The following ARHGEF11 variants were observed in gnomAD, a reference collection of about 807,000 sequenced individuals.
ARHGEF11 encodes the protein Rho guanine exchange factor (GEF) 11.
ARHGEF11 carries 55 observed loss-of-function variants against 193.7 expected under a neutral mutation model. That is an observed-to-expected ratio of 0.28 (90% CI 0.23 to 0.36). The LOEUF is 0.36. Among genes scored for constraint, ARHGEF11 ranks in the 10% least tolerant of loss-of-function variants. The probability of loss-of-function intolerance (pLI) is 1.00; values close to 1 mark genes in which losing one functional copy is unlikely to be tolerated. For missense variants in ARHGEF11, 1,723 were observed against 2,005.6 expected (o/e 0.86, Z 2.69); for synonymous variants, 693 against 768.0 (o/e 0.90, Z 1.62).
chr1:156,982,039 C>T (rs868194959), intron 3 of ARHGEF11, among the ~76,000 whole-genome samples: 2 of 152,008 alleles, frequency 1.3e-5, no homozygotes, highest in Non-Finnish European at 2.9e-5. Flanking sequence ...GGACTCAAGA[C>T]TACCCTCAGC....
At chr1:156,960,389 G>C in intron 15 of ARHGEF11, 29 bp downstream of exon 15, 1 of 1,612,916 alleles carries the variant, frequency 6.2e-7, no homozygotes, top group Admixed American at 1.7e-5. Context: ...CTACCAAGAA[G>C]AGACTTACCG....
intron 1 of ARHGEF11, among the ~76,000 whole-genome samples, chr1:156,995,871 C>G (rs531035333): frequency 1.3e-5 from 2 of 152,148 alleles, no homozygotes; most frequent in South Asian, 4.2e-4. Context: ...AATGTCTGCT[C>G]TTTTCCCATT....
At chr1:156,959,943 C>CAAAAA (rs376570752) in intron 15 of ARHGEF11, among the ~76,000 whole-genome samples, 3 of 97,100 alleles carry the variant, frequency 3.1e-5, no homozygotes, top group Non-Finnish European at 6.1e-5. Flanking sequence ...CCCCCCCCCC[C>CAAAAA]AAAAAAAACA....
At chr1:156,963,356 G>A (rs377012119) in intron 12 of ARHGEF11, 52 bp from the exon 13 acceptor site, 21 of 1,553,044 alleles carry the variant, frequency 1.4e-5, no homozygotes, top group Middle Eastern at 1.7e-4. Context: ...GCAGCACAGC[G>A]GGTTCCAGCT....
intron 1 of ARHGEF11, among the ~76,000 whole-genome samples, chr1:157,032,354 T>C (rs1358583144): frequency 1.3e-5 from 2 of 151,894 alleles, no homozygotes; most frequent in African/African-American, 4.8e-5. Flanking sequence ...ATAAAAAGAG[T>C]TCGTTAAGAG....
intron 2 of ARHGEF11, 83 bp from the exon 3 acceptor site, chr1:156,984,520 C>G (rs1664652515): frequency 3.3e-6 from 3 of 911,962 alleles, no homozygotes; most frequent in Middle Eastern, 2.7e-4. Flanking sequence ...AGGGAAGCCC[C>G]AGTGCCTTTC....
At chr1:157,033,284 G>A (rs954348762) in intron 1 of ARHGEF11, among the ~76,000 whole-genome samples, 1 of 151,892 alleles carries the variant, frequency 6.6e-6, no homozygotes, top group South Asian at 2.1e-4. Context: ...CTATGCAGTA[G>A]CCCAAGAGAA....
intron 40 of ARHGEF11, among the ~76,000 whole-genome samples, chr1:156,936,497 A>AAAAAAAAAAATATATATAT (rs370282821): frequency 2.9e-5 from 1 of 33,938 alleles, no homozygotes; most frequent in African/African-American, 1.5e-4. Flanking sequence ...AAAAAAAAAA[A>AAAAAAAAAAATATATATAT]ATATATATAT....
At chr1:157,037,023 G>C (rs1455099456) in intron 1 of ARHGEF11, among the ~76,000 whole-genome samples, 3 of 152,144 alleles carry the variant, frequency 2.0e-5, no homozygotes, top group African/African-American at 7.2e-5. Flanking sequence ...AGCTACTCAG[G>C]AGGCTGAGGC....
At chr1:157,012,971 T>C (rs1054273951) in intron 1 of ARHGEF11, among the ~76,000 whole-genome samples, 2 of 152,186 alleles carry the variant, frequency 1.3e-5, no homozygotes, top group Non-Finnish European at 1.5e-5. Flanking sequence ...CTTCCTTGTC[T>C]GGTGCAAAGT....
At chr1:156,996,654 TC>T (rs527797819) in intron 1 of ARHGEF11, among the ~76,000 whole-genome samples, 379 of 150,760 alleles carry the variant, frequency 2.5e-3, no homozygotes, top group African/African-American at 8.5e-3. Context: ...GCGCCTGTAG[TC>T]CCAGCTACTC....
At chr1:156,936,492 AAAAAAAT>A (rs1333392352) in intron 40 of ARHGEF11, among the ~76,000 whole-genome samples, 64 of 95,460 alleles carry the variant, frequency 6.7e-4, no homozygotes, top group African/African-American at 2.5e-3. Flanking sequence ...AAAAAAAAAA[AAAAAAAT>A]ATATATATAT....
In ARHGEF11 at chr1:156,942,671, C is replaced by A; in HGVS notation, c.3326+19G>T. 1.9e-6 allele frequency: 3 copies of A among 1,609,756 alleles called. No individual in the cohort carries two copies. Among genetic ancestry groups the A allele is most frequent in the Non-Finnish European group, 2.6e-6 (3 of 1,176,118 alleles). On this transcript the variant is annotated intron_variant, in intron 33 of 40. Transcript: ENST00000368194. ...CGAAAGGGACCACAGTTACGGGTAACCCCTCAATCAATTCTCACGTGTTCT... is the reference window on the plus strand; with the variant it reads ...CGAAAGGGACCACAGTTACGGGTAAACCCTCAATCAATTCTCACGTGTTCT...
intron 1 of ARHGEF11, among the ~76,000 whole-genome samples, chr1:157,013,715 C>A (rs1192048733): frequency 6.6e-6 from 1 of 152,180 alleles, no homozygotes; most frequent in Non-Finnish European, 1.5e-5. Context: ...CTTGACATTG[C>A]TCACAATACT....
At chr1:157,008,774 TG>T (rs1553226832) in intron 1 of ARHGEF11, among the ~76,000 whole-genome samples, 1 of 152,188 alleles carries the variant, frequency 6.6e-6, no homozygotes, top group Non-Finnish European at 1.5e-5. Context: ...TAGAAGAAGC[TG>T]GAAGAATGGG....
intron 33 of ARHGEF11, among the ~76,000 whole-genome samples, 199 bp from the exon 34 acceptor site, chr1:156,942,188 CCT>C (rs1657141986): frequency 6.6e-6 from 1 of 152,212 alleles, no homozygotes; most frequent in Admixed American, 6.5e-5. Context: ...GGACACCAAC[CCT>C]CTGTTACACT....
At chr1:156,971,627 G>T in intron 8 of ARHGEF11, 70 bp downstream of exon 8, 2 of 1,548,622 alleles carry the variant, frequency 1.3e-6, no homozygotes, top group Non-Finnish European at 8.8e-7. Context: ...TTCTGTCCTT[G>T]CTTTTTCCCT....
chr1:156,946,250 G>T, intron 28 of ARHGEF11, 88 bp from the exon 29 acceptor site: 1 of 1,063,776 alleles, frequency 9.4e-7, no homozygotes, highest in South Asian at 1.3e-5. Context: ...GTGTGAACAT[G>T]ACAAACAGGT....
At chr1:157,030,506 G>A (rs891060084) in intron 1 of ARHGEF11, among the ~76,000 whole-genome samples, 3 of 152,040 alleles carry the variant, frequency 2.0e-5, no homozygotes, top group Non-Finnish European at 4.4e-5. Context: ...AAAAACTTGG[G>A]GGACTTGACT....
Sources: gnomAD v4.1 joint callset for allele counts (sites outside exome capture counted in the v4.1 genomes callset) on GRCh38, gnomAD v4.1.1 for gene constraint, MANE v1.5 for transcripts, NCBI Gene and HGNC (gene_info 2026-07-23, HGNC 2026-07-21) for gene names.